The following TOGARAM1 variants were observed in gnomAD, a reference collection of about 807,000 sequenced individuals.
TOGARAM1 encodes the protein TOG array regulator of axonemal microtubules 1, also known as TOG array regulator of axonemal microtubules protein 1.
In TOGARAM1, 100 loss-of-function variants were observed where a neutral mutation model predicts 166.6. The ratio of observed to expected loss-of-function variants is 0.60; its 90% CI spans 0.51 to 0.71. TOGARAM1 has a LOEUF of 0.71. TOGARAM1 is among the 30% of genes least tolerant of loss of function. The pLI is 0.00. For missense variants in TOGARAM1, 2,029 were observed against 2,102.7 expected, an observed-to-expected ratio of 0.96 and a Z score of 0.69; for synonymous variants, 758 against 763.8, an observed-to-expected ratio of 0.99 and a Z score of 0.13.
chr14:44,999,277 T>C, intron 2 of TOGARAM1, 86 bp from the exon 3 acceptor site: 2 of 1,371,192 alleles, frequency 1.5e-6, no homozygotes, highest in East Asian at 4.8e-5. Flanking sequence ...TCCACCTAAA[T>C]TACACCAACA....
chr14:44,973,827 C>A (rs1335315554), intron 1 of TOGARAM1, among the ~76,000 whole-genome samples: 1 of 151,392 alleles, frequency 6.6e-6, no homozygotes, highest in African/African-American at 2.4e-5. Flanking sequence ...TTAAATATTC[C>A]AATCCACTTT....
intron 3 of TOGARAM1, among the ~76,000 whole-genome samples, chr14:45,000,880 T>C (rs752236384): frequency 1.1e-4 from 16 of 152,096 alleles, no homozygotes; most frequent in Non-Finnish European, 1.8e-4. Context: ...ACTACAGATA[T>C]ACACTACTAT....
chr14:45,003,426 C>T (rs1206065516), intron 3 of TOGARAM1, among the ~76,000 whole-genome samples: 1 of 151,896 alleles, frequency 6.6e-6, no homozygotes, highest in African/African-American at 2.4e-5. Flanking sequence ...ATAAATAGTA[C>T]AAAATAAGAT....
chr14:44,962,519 C>G lies in TOGARAM1; in HGVS notation c.98C>G (p.Thr33Ser), dbSNP rs758292354. Residue 33 changes from threonine (T) to serine (S), a missense_variant, in exon 1 of 20, where the codon ACC (threonine) becomes AGC (serine). Coordinates refer to ENST00000361462, the MANE Select transcript of TOGARAM1 (RefSeq NM_001308120.2). ...QSRSRPSAPE[T>S]DDSRVGGIMR... ...CGCAGTCGTCCTTCCGCCCCAGAGA[C>G]CGATGATAGTCGAGTTGGGGGCATT... 2 of 1,613,448 alleles carry G rather than the reference C, an allele frequency of 1.2e-6. No homozygotes were observed. Among genetic ancestry groups the G allele is most frequent in the South Asian group, 2.2e-5 (2 of 91,014 alleles).
At chr14:45,031,471 C>T (rs898124811) in intron 10 of TOGARAM1, among the ~76,000 whole-genome samples, 1 of 152,044 alleles carries the variant, frequency 6.6e-6, no homozygotes, top group African/African-American at 2.4e-5. Flanking sequence ...TGTAATAGGC[C>T]ACTAATTCTA....
rs139879609 is a variant in TOGARAM1 at position 45,015,785 on chromosome 14, C to G, written c.3238+3710C>G. Among the ~76,000 whole-genome samples, 56 of 152,138 alleles carry G rather than the reference C, an allele frequency of 3.7e-4. No individual in the cohort carries two copies. The East Asian group carries it at 9.9e-3, about 27-fold the overall frequency. On this transcript the variant is annotated intron_variant, in intron 7 of 19. Coordinates refer to ENST00000361462, the MANE Select transcript of TOGARAM1 (RefSeq NM_001308120.2). ...TGAGTGGCAGTGCTGTAATTTAAAG[C>G]CAGGAAGCATGATTCCAGATACTGA... is the stretch of plus-strand genomic sequence containing the variant.
rs569609689 is a variant in TOGARAM1 at position 45,073,535 on chromosome 14, G to A, written c.5296G>A (p.Asp1766Asn). The stretch of plus-strand genomic sequence containing the variant: ...CAAAAAGAGTTTGGAGGAATTACTC[G>A]ATATGACAATTTTAAATGAATTATG... The part of the protein sequence containing the change: ...HIKKSLEELL[D>N]MTILNEL Residue 1766 changes from aspartate to asparagine, a missense_variant, in exon 20 of 20, where the codon GAT (aspartate) becomes AAT (asparagine). Physicochemically the swap from Asp to Asn is conservative, Grantham distance 23. Transcript: ENST00000361462. The A allele has an allele frequency of 1.4e-5, 22 of 1,613,330 alleles. No individual in the cohort carries two copies. The highest frequency in any genetic ancestry group is 1.2e-4 in the South Asian group (11 of 90,870).
At chr14:45,016,376 G>T (rs895694591) in intron 7 of TOGARAM1, among the ~76,000 whole-genome samples, 1 of 152,134 alleles carries the variant, frequency 6.6e-6, no homozygotes, top group Non-Finnish European at 1.5e-5. Context: ...AGCCTGGGGA[G>T]ACTCTGTCTT....
intron 11 of TOGARAM1, among the ~76,000 whole-genome samples, chr14:45,043,085 G>A (rs763434811): frequency 2.0e-5 from 3 of 152,082 alleles, no homozygotes; most frequent in South Asian, 2.1e-4. Context: ...CTGCTGTTTC[G>A]TGTAGCTACT....
rs546687038 is a variant in TOGARAM1 at position 45,047,691 on chromosome 14, C to A, written c.4313+988C>A. ...CTTAATTTCTGTTAGTCTCTGTTTCCTTGTCTATAAAATTAGGAAGGGTGG... is the reference window on the plus strand; with the variant it reads ...CTTAATTTCTGTTAGTCTCTGTTTCATTGTCTATAAAATTAGGAAGGGTGG... On this transcript the variant is annotated intron_variant, in intron 14 of 19. Coordinates refer to ENST00000361462, the MANE Select transcript of TOGARAM1 (RefSeq NM_001308120.2). 1.2e-4 allele frequency among the ~76,000 whole-genome samples: 19 copies of A among 152,084 alleles called. 3 individuals are homozygous for A. The highest frequency in any genetic ancestry group is 3.9e-4 in the African/African-American group (16 of 41,506).
intron 1 of TOGARAM1, among the ~76,000 whole-genome samples, chr14:44,975,464 TTTTG>T (rs1305148761): frequency 2.6e-5 from 4 of 152,232 alleles, no homozygotes; most frequent in African/African-American, 9.6e-5. Context: ...GTTCCCCTTT[TTTTG>T]TTTGTTTGTT....
At chr14:45,041,508 G>A (rs1881726206) in intron 11 of TOGARAM1, among the ~76,000 whole-genome samples, 1 of 152,182 alleles carries the variant, frequency 6.6e-6, no homozygotes. Flanking sequence ...CTAGAACGTT[G>A]AATAAGATGG....
Position 44,969,242 on chromosome 14 carries a change from C to A in TOGARAM1, c.2046+4775C>A, listed in dbSNP as rs1885750280. On this transcript the variant is annotated intron_variant, in intron 1 of 19. Transcript: ENST00000361462. ...TCTCGGCTCACTGCAACCTCTGCCT[C>A]CCGGGATCAAGTAATTCTCCTGCCT... is the stretch of plus-strand genomic sequence containing the variant. 3.3e-5 allele frequency among the ~76,000 whole-genome samples: 5 copies of A among 151,098 alleles called. No individual in the cohort carries two copies. In the South Asian group the frequency reaches 1.0e-3, roughly 32 times the overall value.
intron 13 of TOGARAM1, among the ~76,000 whole-genome samples, chr14:45,045,791 A>G (rs1882041104): frequency 6.8e-6 from 1 of 147,776 alleles, no homozygotes; most frequent in Non-Finnish European, 1.5e-5. Flanking sequence ...TTATCCACTG[A>G]TTAGTCAGTG....
At chr14:45,045,577 ATATATATGTG>A (rs1226842365) in intron 13 of TOGARAM1, among the ~76,000 whole-genome samples, 61 of 37,492 alleles carry the variant, frequency 1.6e-3, no homozygotes, top group South Asian at 6.0e-3. Flanking sequence ...ATATATATAT[ATATATATGTG>A]TGTGTGTGTG....
chr14:45,041,147 A>G (rs1047336254), intron 11 of TOGARAM1, among the ~76,000 whole-genome samples: 27 of 152,124 alleles, frequency 1.8e-4, no homozygotes, highest in Middle Eastern at 3.2e-3. Context: ...TCACGCCTGT[A>G]ATCTTAGCAC....
chr14:44,983,853 C>T (rs1398835654), intron 1 of TOGARAM1, among the ~76,000 whole-genome samples: 1 of 152,094 alleles, frequency 6.6e-6, no homozygotes, highest in Non-Finnish European at 1.5e-5. Context: ...ATAAACGACA[C>T]AAAAGCATAT....
In TOGARAM1 at chr14:44,995,856, G is replaced by A. The variant is rs758006826; in HGVS notation, c.2157G>A (p.Gln719=). The change falls in exon 2 of 20, where the codon CAG becomes CAA. Residue 719 remains glutamine (Q), a synonymous_variant. Transcript: ENST00000361462. ...AAAGAGTATCAAGAAACTTATTTCA[G>A]AATAGTCGGGATTTTAACCCAGATT... ...SRKRVSRNLF[Q]NSRDFNPDCL... The A allele has an allele frequency of 6.2e-7, 1 of 1,610,840 alleles. No homozygotes were observed. The highest frequency in any genetic ancestry group is 8.5e-7 in the Non-Finnish European group (1 of 1,179,006).
At chr14:45,036,171 C>G (rs1881428507) in intron 11 of TOGARAM1, among the ~76,000 whole-genome samples, 1 of 120,758 alleles carries the variant, frequency 8.3e-6, no homozygotes, top group African/African-American at 3.0e-5. Flanking sequence ...TTAAAAGAAG[C>G]AAAATGTCTG....
Sources: gnomAD v4.1 joint callset for allele counts (sites outside exome capture counted in the v4.1 genomes callset) on GRCh38, gnomAD v4.1.1 for gene constraint, MANE v1.5 for transcripts, NCBI Gene and HGNC (gene_info 2026-07-23, HGNC 2026-07-21) for gene names.